Variants in ADCY8 observed in about 807,000 individuals in gnomAD.
The protein encoded by ADCY8 is adenylate cyclase 8.
In ADCY8, 51 loss-of-function variants were observed where a neutral mutation model predicts 119.7. The observed-to-expected ratio is 0.43, with a 90% CI of 0.34 to 0.54. The LOEUF (loss-of-function observed/expected upper bound fraction) is 0.54. ADCY8 is among the 20% of genes least tolerant of loss of function. The pLI is 0.03. For synonymous variants in ADCY8, 665 were observed against 651.0 expected (o/e 1.02, Z -0.33); for missense variants, 1,383 against 1,598.8 (o/e 0.87, Z 2.30).
chr8:131,026,175 G>A (rs561311292), intron 1 of ADCY8, among the ~76,000 whole-genome samples: 2 of 152,298 alleles, frequency 1.3e-5, no homozygotes, highest in African/African-American at 4.8e-5. Context: ...GAGGTGGGAG[G>A]TGAATGTGTC....
intron 12 of ADCY8, among the ~76,000 whole-genome samples, chr8:130,823,761 G>T (rs1347827673): frequency 6.6e-6 from 1 of 152,018 alleles, no homozygotes; most frequent in Non-Finnish European, 1.5e-5. Flanking sequence ...TTGCCCTTAA[G>T]CCTACCACCC....
At chr8:130,980,971 A>G (rs1822221548) in intron 2 of ADCY8, among the ~76,000 whole-genome samples, 1 of 152,212 alleles carries the variant, frequency 6.6e-6, no homozygotes, top group South Asian at 2.1e-4. Context: ...GGTTCTTTCA[A>G]GTCTACCCCC....
At chr8:130,969,381 G>A (rs1386672099) in intron 2 of ADCY8, among the ~76,000 whole-genome samples, 1 of 152,114 alleles carries the variant, frequency 6.6e-6, no homozygotes, top group Non-Finnish European at 1.5e-5. Context: ...ATAACTGAAT[G>A]CACCAATTCC....
intron 9 of ADCY8, among the ~76,000 whole-genome samples, chr8:130,850,561 AG>A (rs1817490105): frequency 6.6e-6 from 1 of 152,078 alleles, no homozygotes; most frequent in African/African-American, 2.4e-5. Context: ...AACTCTGTGT[AG>A]CCATTCATGT....
chr8:131,038,544 T>C (rs1428985951), intron 1 of ADCY8, among the ~76,000 whole-genome samples: 2 of 152,082 alleles, frequency 1.3e-5, no homozygotes, highest in Non-Finnish European at 2.9e-5. Flanking sequence ...TGAACTTTGT[T>C]CACATAAGCA....
intron 2 of ADCY8, among the ~76,000 whole-genome samples, chr8:130,965,238 C>T (rs150866611): frequency 2.1e-3 from 320 of 152,246 alleles, no homozygotes; most frequent in African/African-American, 7.2e-3. Flanking sequence ...AGCATTCAGT[C>T]ATAAGTTCTT....
At chr8:130,862,005 CT>C (rs1817947124) in intron 9 of ADCY8, among the ~76,000 whole-genome samples, 1 of 152,098 alleles carries the variant, frequency 6.6e-6, no homozygotes, top group South Asian at 2.1e-4. Context: ...GTTGAATAAA[CT>C]TTATATACCT....
At chr8:130,951,161 A>G (rs891338344) in intron 3 of ADCY8, among the ~76,000 whole-genome samples, 4 of 75,804 alleles carry the variant, frequency 5.3e-5, no homozygotes, top group African/African-American at 1.1e-4. Flanking sequence ...AAAACTCTGC[A>G]AAGTGGCTAA....
At chr8:131,023,046 A>T (rs942654002) in intron 1 of ADCY8, among the ~76,000 whole-genome samples, 9 of 152,148 alleles carry the variant, frequency 5.9e-5, no homozygotes, top group African/African-American at 2.2e-4. Context: ...AATCGGAATG[A>T]CTCTAGCTAG....
chr8:130,941,324 G>C (rs1359373693), intron 4 of ADCY8, among the ~76,000 whole-genome samples: 1 of 152,100 alleles, frequency 6.6e-6, no homozygotes, highest in Non-Finnish European at 1.5e-5. Flanking sequence ...CATCCTGAGG[G>C]GAAGGACTGG....
chr8:130,973,362 G>T (rs969977308), intron 2 of ADCY8, among the ~76,000 whole-genome samples: 1 of 152,192 alleles, frequency 6.6e-6, no homozygotes, highest in African/African-American at 2.4e-5. Context: ...CTTCAAAATT[G>T]TTTGTACATT....
At chr8:130,816,427 C>CTTTTTTTT (rs59803292) in intron 13 of ADCY8, among the ~76,000 whole-genome samples, 5 of 121,194 alleles carry the variant, frequency 4.1e-5, no homozygotes, top group East Asian at 2.3e-4. Flanking sequence ...ATTTTTTTTT[C>CTTTTTTTT]TTTTTTTTTT....
chr8:130,814,486 ATGTTGG>A (rs1279425136), intron 13 of ADCY8, among the ~76,000 whole-genome samples: 3 of 152,156 alleles, frequency 2.0e-5, no homozygotes, highest in African/African-American at 7.2e-5. Context: ...TTACCTGATA[ATGTTGG>A]TGTCCTCTAC....
rs1196041156 is a variant in ADCY8 at position 130,783,801 on chromosome 8, C to T, written c.3158G>A (p.Cys1053Tyr). ...ACACAAATGTCCCCACTTGTCTTCA[C>T]ATTGCTGAAGCAAACATGAGGAGAA... ...VSGLSPEKQQ[C>Y]EDKWGHLCAL... Residue 1053 changes from cysteine (C) to tyrosine (Y), a missense_variant, in exon 17 of 18, where the codon TGT becomes TAT. This residue lies in a region of ADCY8 where 928 missense variants were observed against 1,163.5 expected (regional missense o/e 0.80). Coordinates refer to ENST00000286355, the MANE Select transcript of ADCY8 (RefSeq NM_001115.3). The T allele has an allele frequency of 1.9e-6, 3 of 1,611,042 alleles. No individual in the cohort carries two copies. Among genetic ancestry groups the T allele is most frequent in the Non-Finnish European group, 2.5e-6 (3 of 1,178,500 alleles).
At chr8:130,869,526 G>GTTTTTTTTTTTGT (rs1275593013) in intron 8 of ADCY8, among the ~76,000 whole-genome samples, 1 of 114,610 alleles carries the variant, frequency 8.7e-6, no homozygotes, top group Non-Finnish European at 1.9e-5. Flanking sequence ...TTGTTTTTTT[G>GTTTTTTTTTTTGT]TTTTTTTTTG....
At chr8:130,819,689 T>C (rs1816448352) in intron 13 of ADCY8, among the ~76,000 whole-genome samples, 2 of 152,204 alleles carry the variant, frequency 1.3e-5, no homozygotes, top group Non-Finnish European at 2.9e-5. Context: ...TTGTCATTTG[T>C]GTGTCAGACT....
At chr8:130,922,052 C>A (rs1051824479) in intron 5 of ADCY8, among the ~76,000 whole-genome samples, 1 of 152,188 alleles carries the variant, frequency 6.6e-6, no homozygotes, top group South Asian at 2.1e-4. Context: ...GAGGCTTGAG[C>A]CAGCACATTA....
intron 1 of ADCY8, among the ~76,000 whole-genome samples, chr8:131,001,694 T>C (rs1822953932): frequency 6.6e-6 from 1 of 151,252 alleles, no homozygotes. Flanking sequence ...ATGCTAGATA[T>C]ATATGGAAAT....
chr8:130,900,725 C>T (rs1318280042), intron 7 of ADCY8, among the ~76,000 whole-genome samples: 1 of 152,224 alleles, frequency 6.6e-6, no homozygotes, highest in Non-Finnish European at 1.5e-5. Context: ...TCAAGGTCTG[C>T]TTGTGTCTTC....
Sources: allele counts gnomAD v4.1 joint callset (sites outside exome capture counted in the v4.1 genomes callset), GRCh38; gene constraint gnomAD v4.1.1; regional missense constraint gnomAD v4.1.1; transcripts MANE v1.5; gene names NCBI Gene and HGNC (gene_info 2026-07-23, HGNC 2026-07-21).